The following ASCC3 variants were observed in gnomAD, a reference collection of about 807,000 sequenced individuals.
ASCC3 encodes the protein ASC-1 complex subunit P200.
Under a neutral mutation model 256.3 loss-of-function variants are expected in ASCC3, and 158 were observed. The observed-to-expected ratio is 0.62, with a 90% confidence interval of 0.54 to 0.70. The LOEUF is 0.70. ASCC3 is among the 30% of genes least tolerant of loss of function. The probability of loss-of-function intolerance (pLI) is 0.00; values close to 1 mark genes in which losing one functional copy is unlikely to be tolerated. For synonymous variants in ASCC3, 948 were observed against 883.4 expected (o/e 1.07, Z -1.30); for missense variants, 2,259 against 2,626.0 (o/e 0.86, Z 3.05).
intron 14 of ASCC3, among the ~76,000 whole-genome samples, chr6:100,671,615 T>G (rs1468992113): frequency 6.6e-6 from 1 of 152,046 alleles, no homozygotes; most frequent in Admixed American, 6.6e-5. Flanking sequence ...CAGGGCTTTA[T>G]AGTCAGTAAA....
At chr6:100,633,993 T>C (rs1774698490) in intron 25 of ASCC3, among the ~76,000 whole-genome samples, 1 of 152,164 alleles carries the variant, frequency 6.6e-6, no homozygotes, top group African/African-American at 2.4e-5. Flanking sequence ...GGTATTAAAT[T>C]TGTGGGTGGA....
At chr6:100,665,760 G>GA (rs201452992) in intron 14 of ASCC3, among the ~76,000 whole-genome samples, 2,361 of 148,074 alleles carry the variant, frequency 0.016, 54 homozygotes, top group African/African-American at 0.053. Context: ...AAAAAAAGAA[G>GA]AAAAAAAAAT....
At chr6:100,781,377 T>C (rs1782441313) in intron 8 of ASCC3, among the ~76,000 whole-genome samples, 1 of 152,012 alleles carries the variant, frequency 6.6e-6, no homozygotes. Flanking sequence ...ACACTTGTTT[T>C]TTTGTTTCGT....
At chr6:100,741,877 C>T (rs1004348004) in intron 10 of ASCC3, among the ~76,000 whole-genome samples, 1 of 152,162 alleles carries the variant, frequency 6.6e-6, no homozygotes, top group Admixed American at 6.5e-5. Context: ...TTAATTCAGC[C>T]ATCTCAGTCT....
At chr6:100,767,493 T>A in intron 8 of ASCC3, 148 bp from the exon 9 acceptor site, 2 of 810,686 alleles carry the variant, frequency 2.5e-6, no homozygotes, top group Non-Finnish European at 3.9e-6. Context: ...AACGGAGGTA[T>A]ATGCAGTTGA....
Position 100,627,614 on chromosome 6 carries a change from T to C in ASCC3, c.4618A>G (p.Ser1540Gly). Residue 1540 changes from serine (S) to glycine (G), a missense_variant, in exon 29 of 42, where the codon AGT becomes GGT. By Grantham distance (56) the Ser-to-Gly change is moderately conservative. Transcript: ENST00000369162. ...CCCTGAAATGCAGGCTTGTTCATAC[T>C]AGCCATACGAGGACAGTAATGTTGA... The part of the protein sequence containing the change: ...PGQHYCPRMA[S>G]MNKPAFQAIR... The C allele has an allele frequency of 6.2e-7, 1 of 1,613,508 alleles. No individual in the cohort carries two copies. Among genetic ancestry groups the C allele is most frequent in the Non-Finnish European group, 8.5e-7 (1 of 1,179,656 alleles).
At chr6:100,631,037 G>A in intron 26 of ASCC3, 91 bp downstream of exon 26, 2 of 922,856 alleles carry the variant, frequency 2.2e-6, no homozygotes, top group Non-Finnish European at 3.4e-6. Context: ...GAAAATCACT[G>A]TAAAACCATT....
intron 37 of ASCC3, among the ~76,000 whole-genome samples, chr6:100,521,224 A>AATAATGGC (rs1774290067): frequency 6.6e-6 from 1 of 152,068 alleles, no homozygotes; most frequent in South Asian, 2.1e-4. Flanking sequence ...AACTTTACTT[A>AATAATGGC]ATAATGGCTC....
intron 10 of ASCC3, among the ~76,000 whole-genome samples, chr6:100,730,324 A>AAAACAAAACAAAACC (rs1217263896): frequency 6.6e-6 from 1 of 151,984 alleles, no homozygotes; most frequent in Non-Finnish European, 1.5e-5. Context: ...AAAACAAAAC[A>AAAACAAAACAAAACC]AAACAAATGC....
chr6:100,655,707 C>T lies in ASCC3; in HGVS notation c.2815G>A (p.Ala939Thr). The T allele has an allele frequency of 6.2e-7, 1 of 1,610,544 alleles. No homozygotes were observed. Among genetic ancestry groups the T allele is most frequent in the Non-Finnish European group, 8.5e-7 (1 of 1,178,880 alleles). The change falls in exon 17 of 42, where the codon GCT (alanine) becomes ACT (threonine). Residue 939 changes from alanine to threonine, a missense_variant. Ala to Thr is a moderately conservative substitution (Grantham distance 58, BLOSUM62 0). Coordinates refer to ENST00000369162, the MANE Select transcript of ASCC3 (RefSeq NM_006828.4). Reference protein sequence around the residue: ...NPLAYGISHKAYQIDPTLRKH... With the variant: ...NPLAYGISHKTYQIDPTLRKH... The stretch of plus-strand genomic sequence containing the variant: ...ATAAATGAGTTTTCTACCTGATAAG[C>T]CTTGTGACTGATGCCATATGCTAAT...
At chr6:100,608,097 C>CATATATATGTATATATCGATATAT (rs1391815541) in intron 30 of ASCC3, among the ~76,000 whole-genome samples, 1 of 45,026 alleles carries the variant, frequency 2.2e-5, no homozygotes, top group Admixed American at 3.3e-4. Flanking sequence ...TATCTATATA[C>CATATATATGTATATATCGATATAT]ACATATATAT....
Position 100,540,278 on chromosome 6 carries a change from G to A in ASCC3, c.5660C>T (p.Pro1887Leu). Residue 1887 changes from proline (P) to leucine (L), a missense_variant, in exon 37 of 42, where the codon CCT becomes CTT. Pro to Leu is a moderately conservative substitution (Grantham distance 98, BLOSUM62 -3). This residue lies in a region of ASCC3 where 1,839 missense variants were observed against 2,206.7 expected (regional missense o/e 0.83). Transcript: ENST00000369162. ...IESNPHSFDS[P>L]HTKAHLLLQA... ...TAGCAGGAGATGTGCTTTGGTGTGA[G>A]GGCTGTCAAATGAATGAGGATTTGA... The A allele has an allele frequency of 6.2e-7, 1 of 1,613,874 alleles. No individual in the cohort carries two copies. Among genetic ancestry groups the A allele is most frequent in the Non-Finnish European group, 8.5e-7 (1 of 1,179,946 alleles).
intron 8 of ASCC3, among the ~76,000 whole-genome samples, chr6:100,797,420 A>C (rs1173905499): frequency 7.0e-6 from 1 of 143,606 alleles, no homozygotes; most frequent in Non-Finnish European, 1.5e-5. Flanking sequence ...AGTTCACACC[A>C]TTGCATTCCA....
At chr6:100,634,935 G>A (rs942209804) in intron 25 of ASCC3, among the ~76,000 whole-genome samples, 1 of 151,390 alleles carries the variant, frequency 6.6e-6, no homozygotes, top group African/African-American at 2.4e-5. Context: ...GTGGAGAAAA[G>A]GTAACTGTTA....
At chr6:100,535,466 GTTTTT>G (rs34575315) in intron 37 of ASCC3, among the ~76,000 whole-genome samples, 1 of 98,660 alleles carries the variant, frequency 1.0e-5, no homozygotes, top group South Asian at 3.9e-4. Flanking sequence ...TGGTTTTCGT[GTTTTT>G]TTTTTTTTTT....
intron 36 of ASCC3, among the ~76,000 whole-genome samples, chr6:100,556,862 AAAAAT>A (rs1305274829): frequency 1.3e-5 from 2 of 152,138 alleles, no homozygotes; most frequent in Admixed American, 6.6e-5. Flanking sequence ...ATTTGAGAAA[AAAAAT>A]AATAAAGAAA....
At chr6:100,824,934 T>G (rs960706823) in intron 4 of ASCC3, among the ~76,000 whole-genome samples, 1 of 151,998 alleles carries the variant, frequency 6.6e-6, no homozygotes, top group East Asian at 1.9e-4. Context: ...TTAATGTGAA[T>G]AAAAAATACA....
intron 8 of ASCC3, among the ~76,000 whole-genome samples, chr6:100,781,065 G>T (rs975770660): frequency 3.0e-4 from 45 of 152,240 alleles, no homozygotes; most frequent in Admixed American, 2.7e-3. Context: ...CACAGTAAAT[G>T]GTGTAAAGCA....
At chr6:100,628,533 T>A (rs1774367917) in intron 27 of ASCC3, among the ~76,000 whole-genome samples, 1 of 151,984 alleles carries the variant, frequency 6.6e-6, no homozygotes, top group Non-Finnish European at 1.5e-5. Flanking sequence ...TGACAGTGAG[T>A]GAATTCTCAT....
Sources: gnomAD v4.1 joint callset for allele counts (sites outside exome capture counted in the v4.1 genomes callset) on GRCh38, gnomAD v4.1.1 for gene constraint, gnomAD v4.1.1 regional missense constraint, MANE v1.5 for transcripts, NCBI Gene and HGNC (gene_info 2026-07-23, HGNC 2026-07-21) for gene names.